The following LIMS1 variants were observed in gnomAD, a reference collection of about 807,000 sequenced individuals.
The protein encoded by LIMS1 is LIM zinc finger domain containing 1, also known as LIM and senescent cell antigen-like-containing domain protein 1.
A neutral mutation model predicts 44.1 loss-of-function variants in LIMS1; 18 were observed. The ratio of observed to expected loss-of-function variants is 0.41; its 90% CI spans 0.28 to 0.61. The LOEUF (loss-of-function observed/expected upper bound fraction) is 0.61, where lower values mean the gene tolerates loss of function less well. Among genes scored for constraint, LIMS1 ranks in the 20% least tolerant of loss-of-function variants. The pLI is 0.32. For missense variants in LIMS1, 201 were observed against 422.0 expected (o/e 0.48, Z 4.59); for synonymous variants, 93 against 149.1 (o/e 0.62, Z 2.74).
intron 1 of LIMS1, among the ~76,000 whole-genome samples, chr2:108,623,437 T>A (rs796677169): frequency 9.2e-5 from 14 of 152,230 alleles, no homozygotes; most frequent in African/African-American, 3.4e-4. Context: ...TAAAAATAAC[T>A]ACTATTATTG....
chr2:108,548,380 G>C (rs920791464), intron 1 of LIMS1, among the ~76,000 whole-genome samples: 1 of 152,026 alleles, frequency 6.6e-6, no homozygotes, highest in Non-Finnish European at 1.5e-5. Context: ...AAAGCATGAA[G>C]CATCTACAGA....
chr2:108,682,871 A>G (rs1383585730), intron 9 of LIMS1, among the ~76,000 whole-genome samples: 1 of 152,234 alleles, frequency 6.6e-6, no homozygotes, highest in East Asian at 1.9e-4. Context: ...ATAATTTCAC[A>G]GACAGTGAAC....
At chr2:108,635,475 A>C (rs1325379046) in intron 1 of LIMS1, among the ~76,000 whole-genome samples, 2 of 147,294 alleles carry the variant, frequency 1.4e-5, no homozygotes, top group Non-Finnish European at 3.0e-5. Context: ...CCAGCACTTC[A>C]GGAGGCCAAG....
At chr2:108,543,566 A>G (rs1223229222) in intron 1 of LIMS1, among the ~76,000 whole-genome samples, 1 of 152,158 alleles carries the variant, frequency 6.6e-6, no homozygotes, top group Non-Finnish European at 1.5e-5. Context: ...AAACTCCCCA[A>G]ACCTCTGTGA....
chr2:108,588,321 C>G, intron 1 of LIMS1: 1 of 984,470 alleles, frequency 1.0e-6, no homozygotes, highest in Non-Finnish European at 1.2e-6. Context: ...TAGTTCAAGA[C>G]AACAGAGACA....
chr2:108,654,670 T>A (rs922003891), intron 1 of LIMS1: 15 of 217,084 alleles, frequency 6.9e-5, no homozygotes, highest in African/African-American at 3.5e-4. Context: ...CCCTCCAGAG[T>A]GAAAAGCACG....
At chr2:108,612,500 C>G (rs1005858126) in intron 1 of LIMS1, among the ~76,000 whole-genome samples, 10 of 151,114 alleles carry the variant, frequency 6.6e-5, no homozygotes, top group African/African-American at 1.9e-4. Context: ...CTGTTGGAAA[C>G]ATTGAATAAT....
At chr2:108,681,869 C>T (rs1693022400) in intron 9 of LIMS1, among the ~76,000 whole-genome samples, 5 of 150,438 alleles carry the variant, frequency 3.3e-5, no homozygotes, top group South Asian at 2.1e-4. Context: ...CCAGCTTGGG[C>T]GACAGAGTGA....
At chr2:108,675,834 C>CT (rs1692510850) in intron 5 of LIMS1, 44 bp from the exon 6 acceptor site, 1 of 1,613,602 alleles carries the variant, frequency 6.2e-7, no homozygotes, top group Non-Finnish European at 8.5e-7. Flanking sequence ...TGGTTGGCCA[C>CT]TTTTCTCTCT....
At chr2:108,551,953 GTA>G (rs10598934) in intron 1 of LIMS1, among the ~76,000 whole-genome samples, 3,412 of 85,234 alleles carry the variant, frequency 0.04, 75 homozygotes, top group African/African-American at 0.068. Flanking sequence ...GTGTGTGTGT[GTA>G]TATATATATA....
chr2:108,652,599 T>C, intron 1 of LIMS1, among the ~76,000 whole-genome samples: 1 of 152,258 alleles, frequency 6.6e-6, no homozygotes, highest in Non-Finnish European at 1.5e-5. Context: ...GGAATAGTCC[T>C]GTAACTTGAT....
chr2:108,534,889 A>G (rs1045390992), intron 1 of LIMS1, among the ~76,000 whole-genome samples: 1 of 152,202 alleles, frequency 6.6e-6, no homozygotes, highest in South Asian at 2.1e-4. Context: ...CTAATCATTT[A>G]TCTTCTAGCA....
intron 1 of LIMS1, among the ~76,000 whole-genome samples, chr2:108,555,538 G>A (rs1376754745): frequency 6.6e-6 from 1 of 152,176 alleles, no homozygotes; most frequent in African/African-American, 2.4e-5. Flanking sequence ...AGTCTGCTTT[G>A]GTAATGAGCA....
rs71381966 is a variant in LIMS1 at position 108,549,279 on chromosome 2, CTTTTTTTTTTTTTTTTTTTTT to C, written c.32+14698_32+14718del. Among the ~76,000 whole-genome samples the C allele has an allele frequency of 1.9e-3, 104 of 55,810 alleles. 2 individuals carry two copies. In the South Asian group the frequency reaches 0.076, roughly 41 times the overall value. The allele number at this position is 55,810 out of a possible 152,430, so 36.6% of individuals were successfully genotyped here. Reference sequence around the variant, plus strand: ...ATAATAATGTACAAGTAAAGTGTTTCTTTTTTTTTTTTTTTTTTTTTTTTTTTTTTTTTGAGATGCAGTGTC... The same window carrying C: ...ATAATAATGTACAAGTAAAGTGTTTCTTTTTTTTTTTTGAGATGCAGTGTC... On this transcript the variant is annotated intron_variant, in intron 1 of 9. Transcript: ENST00000544547.
chr2:108,681,210 T>TC (rs1390921337), intron 9 of LIMS1: 11 of 1,251,590 alleles, frequency 8.8e-6, no homozygotes, highest in African/African-American at 3.1e-5. Flanking sequence ...TTTGCTTTCT[T>TC]CCCCCCCTGC....
At chr2:108,662,929 TC>T (rs2148977021) in intron 2 of LIMS1, 1 of 176,712 alleles carries the variant, frequency 5.7e-6, no homozygotes, top group African/African-American at 2.4e-5. Context: ...TGCACTCACT[TC>T]CCCTTGAAAA....
At chr2:108,664,923 A>AT (rs1558836387) in intron 2 of LIMS1, among the ~76,000 whole-genome samples, 1 of 152,180 alleles carries the variant, frequency 6.6e-6, no homozygotes, top group Admixed American at 6.5e-5. Flanking sequence ...CTGAAAACAT[A>AT]TTTATATTCA....
chr2:108,647,409 C>T (rs556927588), intron 1 of LIMS1, among the ~76,000 whole-genome samples: 52 of 152,278 alleles, frequency 3.4e-4, no homozygotes, highest in African/African-American at 1.3e-3. Context: ...GGTACCATTC[C>T]TTCTGAAACT....
intron 1 of LIMS1, among the ~76,000 whole-genome samples, chr2:108,638,483 C>T (rs1402171345): frequency 6.6e-6 from 1 of 152,182 alleles, no homozygotes; most frequent in East Asian, 1.9e-4. Context: ...GTGGTTCACG[C>T]CTGTAACCCC....
Sources: allele counts gnomAD v4.1 joint callset (sites outside exome capture counted in the v4.1 genomes callset), GRCh38; gene constraint gnomAD v4.1.1; transcripts MANE v1.5; gene names NCBI Gene and HGNC (gene_info 2026-07-23, HGNC 2026-07-21).